MARCHF8: variants seen among roughly 807,000 people sequenced by gnomAD.
MARCHF8 encodes membrane associated ring-CH-type finger 8, also known as E3 ubiquitin-protein ligase MARCHF8.
In MARCHF8, 40 loss-of-function variants were observed where a neutral mutation model predicts 51.6. The observed-to-expected ratio is 0.77, with a 90% CI of 0.60 to 1.01. MARCHF8 has a LOEUF of 1.01. Ranked by LOEUF, MARCHF8 falls within the 50% of genes least tolerant of loss-of-function variation. The probability of loss-of-function intolerance (pLI) is 0.00; values close to 1 mark genes in which losing one functional copy is unlikely to be tolerated. For missense variants in MARCHF8, 685 were observed against 708.6 expected (o/e 0.97, Z 0.38); for synonymous variants, 263 against 280.3 (o/e 0.94, Z 0.62).
At chr10:45,531,987 C>T (rs1384546217) in intron 2 of MARCHF8, among the ~76,000 whole-genome samples, 1 of 152,168 alleles carries the variant, frequency 6.6e-6, no homozygotes, top group Non-Finnish European at 1.5e-5. Flanking sequence ...CATCCTGTGC[C>T]ATTGCTGCTG....
rs759427371 is a variant in MARCHF8, at chr10:45,489,374, A to G, written c.146T>C (p.Ile49Thr). 13 of 1,612,954 alleles carry G rather than the reference A, an allele frequency of 8.1e-6. No homozygotes were observed. In the Admixed American group the frequency reaches 8.3e-5, roughly 10 times the overall value. ...LGHFMSHSSN[I>T]SKAGSPPSAS... ...TTTTCAGTGGCACTCTACCTTAGAA[A>G]TGTTGCTTGAATGACTCATGAAATG... The change falls in exon 3 of 8, where the codon ATT becomes ACT. Residue 49 changes from isoleucine (I) to threonine (T), a missense_variant. Transcript: ENST00000453424.
chr10:45,568,947 C>A (rs2044397793), intron 1 of MARCHF8, among the ~76,000 whole-genome samples: 2 of 151,254 alleles, frequency 1.3e-5, no homozygotes, highest in Admixed American at 1.3e-4. Context: ...CGCCTGTAGT[C>A]CGAGCTACTC....
chr10:45,566,877 G>A (rs1462978628), intron 1 of MARCHF8, among the ~76,000 whole-genome samples: 1 of 152,084 alleles, frequency 6.6e-6, no homozygotes, highest in Non-Finnish European at 1.5e-5. Flanking sequence ...CTCCATAGTG[G>A]TTATACTAAT....
At chr10:45,590,965 T>C (rs1255110744) in intron 1 of MARCHF8, among the ~76,000 whole-genome samples, 3 of 152,232 alleles carry the variant, frequency 2.0e-5, no homozygotes, top group Non-Finnish European at 4.4e-5. Flanking sequence ...TGTGATTGGT[T>C]TCTGCCCCAC....
chr10:45,471,585 C>T (rs374442839), intron 3 of MARCHF8, among the ~76,000 whole-genome samples: 20 of 152,282 alleles, frequency 1.3e-4, no homozygotes, highest in East Asian at 5.8e-4. Context: ...CAAATATAGT[C>T]GAAATACATT....
At chr10:45,555,743 C>CAAAA (rs34811393) in intron 1 of MARCHF8, among the ~76,000 whole-genome samples, 5 of 96,158 alleles carry the variant, frequency 5.2e-5, no homozygotes, top group African/African-American at 1.7e-4. Flanking sequence ...GACCCTGTCT[C>CAAAA]AAAAAAAAAA....
intron 2 of MARCHF8, among the ~76,000 whole-genome samples, chr10:45,520,198 A>G (rs570869207): frequency 1.3e-5 from 2 of 152,370 alleles, no homozygotes; most frequent in South Asian, 4.1e-4. Context: ...TAACATATGG[A>G]AAGTCCTTGG....
At chr10:45,574,207 C>A (rs1453916178) in intron 1 of MARCHF8, among the ~76,000 whole-genome samples, 1 of 152,158 alleles carries the variant, frequency 6.6e-6, no homozygotes, top group Non-Finnish European at 1.5e-5. Context: ...CATCCCACAG[C>A]ACGCTTTAAA....
At chr10:45,532,008 G>A (rs888332480) in intron 2 of MARCHF8, among the ~76,000 whole-genome samples, 3 of 152,038 alleles carry the variant, frequency 2.0e-5, no homozygotes, top group Admixed American at 6.6e-5. Context: ...AAGCTCTCAC[G>A]GGGCCCTGCA....
At chr10:45,501,143 GT>G (rs56810389) in intron 2 of MARCHF8, among the ~76,000 whole-genome samples, 2 of 149,352 alleles carry the variant, frequency 1.3e-5, no homozygotes, top group Non-Finnish European at 1.5e-5. Flanking sequence ...ATTCTAGCAA[GT>G]TTTTTTTTTA....
intron 2 of MARCHF8, among the ~76,000 whole-genome samples, chr10:45,500,193 T>TAA (rs1370301866): frequency 6.6e-6 from 1 of 152,230 alleles, no homozygotes; most frequent in Non-Finnish European, 1.5e-5. Context: ...GATGCCATTG[T>TAA]AAATAGGACT....
chr10:45,513,429 A>AT lies in MARCHF8; in HGVS notation c.102+19680dup, dbSNP rs1434372370. Among the ~76,000 whole-genome samples, 5 of 151,970 alleles carry AT rather than the reference A, an allele frequency of 3.3e-5. No individual in the cohort carries two copies. The East Asian group carries it at 5.8e-4, about 18-fold the overall frequency. On this transcript the variant is annotated intron_variant, in intron 2 of 7. Transcript: ENST00000453424. Reference sequence around the variant, plus strand: ...CGAATGATGAGTGAACAAAACAAAGATCCCTGCTGTTGTAGAGCTTATGAA... The same window carrying AT: ...CGAATGATGAGTGAACAAAACAAAGATTCCCTGCTGTTGTAGAGCTTATGAA...
intron 1 of MARCHF8, among the ~76,000 whole-genome samples, chr10:45,581,925 A>T (rs2044560138): frequency 6.6e-6 from 1 of 151,858 alleles, no homozygotes; most frequent in Non-Finnish European, 1.5e-5. Flanking sequence ...TGAGAACAGT[A>T]CTTAGGCACT....
At chr10:45,560,775 A>C (rs12784889) in intron 1 of MARCHF8, among the ~76,000 whole-genome samples, 1 of 152,216 alleles carries the variant, frequency 6.6e-6, no homozygotes, top group Non-Finnish European at 1.5e-5. Flanking sequence ...TGCAATAAGC[A>C]GTAAGTGTAG....
At chr10:45,507,979 A>T (rs2133177657) in intron 2 of MARCHF8, among the ~76,000 whole-genome samples, 1 of 152,326 alleles carries the variant, frequency 6.6e-6, no homozygotes, top group Middle Eastern at 3.4e-3. Context: ...TATAAATAAC[A>T]AAGATTCTGT....
At chr10:45,549,434 C>T (rs1472911295) in intron 1 of MARCHF8, among the ~76,000 whole-genome samples, 1 of 152,212 alleles carries the variant, frequency 6.6e-6, no homozygotes, top group Admixed American at 6.5e-5. Context: ...GAAGGCAGGG[C>T]CTTCTCCATG....
At chr10:45,475,213 C>T (rs2042764980) in intron 3 of MARCHF8, among the ~76,000 whole-genome samples, 1 of 152,232 alleles carries the variant, frequency 6.6e-6, no homozygotes, top group South Asian at 2.1e-4. Context: ...CACGTTTTCA[C>T]AAGCGCCAAG....
intron 3 of MARCHF8, among the ~76,000 whole-genome samples, chr10:45,465,372 C>CT (rs143688294): frequency 4.9e-4 from 74 of 152,374 alleles, no homozygotes; most frequent in Middle Eastern, 3.4e-3. Context: ...GCAGGCCCAC[C>CT]TGCATGGCCC....
chr10:45,572,574 T>C (rs1288596370), intron 1 of MARCHF8, among the ~76,000 whole-genome samples: 1 of 152,184 alleles, frequency 6.6e-6, no homozygotes, highest in Non-Finnish European at 1.5e-5. Context: ...TAATTCTTGT[T>C]GTAAAATAGG....
Sources: gnomAD v4.1 joint callset for allele counts (sites outside exome capture counted in the v4.1 genomes callset) on GRCh38, gnomAD v4.1.1 for gene constraint, MANE v1.5 for transcripts, NCBI Gene and HGNC (gene_info 2026-07-23, HGNC 2026-07-21) for gene names.